Variants in LRP1B observed in about 807,000 individuals in gnomAD.
LRP1B encodes the protein LDL receptor related protein 1B, also known as low-density lipoprotein receptor-related protein 1B.
A neutral mutation model predicts 556.6 loss-of-function variants in LRP1B; 217 were observed. The observed-to-expected ratio is 0.39, with a 90% CI of 0.35 to 0.44. The LOEUF (loss-of-function observed/expected upper bound fraction) is 0.44. Among genes scored for constraint, LRP1B ranks in the 20% least tolerant of loss-of-function variants. The pLI is 1.00. For missense variants in LRP1B, 5,053 were observed against 5,620.8 expected, an observed-to-expected ratio of 0.90 and a Z score of 3.23; for synonymous variants, 2,047 against 1,865.8, an observed-to-expected ratio of 1.10 and a Z score of -2.50.
intron 1 of LRP1B, among the ~76,000 whole-genome samples, chr2:142,117,726 C>T (rs1390109183): frequency 6.6e-6 from 1 of 152,074 alleles, no homozygotes; most frequent in Non-Finnish European, 1.5e-5. Flanking sequence ...AATTCAGATT[C>T]CCAGCCAGTC....
rs1291899963 is a variant in LRP1B, at chr2:140,288,001, C to T, written c.12967+9807G>A. ...GCATCTATAAAAATGAAATTAAATG[C>T]ACTATTTCATATATTGTTTTCTATT... On this transcript the variant is annotated intron_variant, in intron 84 of 90. Coordinates refer to ENST00000389484, the MANE Select transcript of LRP1B (RefSeq NM_018557.3). Among the ~76,000 whole-genome samples the T allele has an allele frequency of 2.6e-5, 4 of 151,732 alleles. No homozygotes were observed. The South Asian group carries it at 6.2e-4, about 24-fold the overall frequency.
At chr2:140,324,901 G>T (rs1305848741) in intron 80 of LRP1B, among the ~76,000 whole-genome samples, 3 of 130,978 alleles carry the variant, frequency 2.3e-5, no homozygotes, top group African/African-American at 2.9e-5. Context: ...TGAGGCCATT[G>T]ATTAAAAAAA....
rs186511638 is a variant in LRP1B, at chr2:140,727,535, T to C, written c.5759-10719A>G. On this transcript the variant is annotated intron_variant, in intron 35 of 90. Coordinates refer to ENST00000389484, the MANE Select transcript of LRP1B (RefSeq NM_018557.3). ...TTACTTCATGGAGGAAGTGAAGCTTTTCCTAATACTTGAAGACTGGGTAGC... is the reference window on the plus strand; with the variant it reads ...TTACTTCATGGAGGAAGTGAAGCTTCTCCTAATACTTGAAGACTGGGTAGC... Among the ~76,000 whole-genome samples, 570 of 152,306 alleles carry C rather than the reference T, an allele frequency of 3.7e-3. 2 individuals are homozygous for C. The highest frequency in any genetic ancestry group is 0.013 in the African/African-American group (535 of 41,574).
intron 87 of LRP1B, 107 bp downstream of exon 87, chr2:140,246,979 T>C (rs1681192169): frequency 1.7e-5 from 13 of 760,336 alleles, no homozygotes; most frequent in Non-Finnish European, 2.7e-5. Context: ...GGATCTCTTA[T>C]AAAATTCCAT....
intron 1 of LRP1B, among the ~76,000 whole-genome samples, chr2:141,988,844 T>C (rs1702269744): frequency 6.6e-6 from 1 of 152,040 alleles, no homozygotes; most frequent in African/African-American, 2.4e-5. Flanking sequence ...GAGACTCTCA[T>C]TTCCCACTTT....
Position 141,582,827 on chromosome 2 carries a change from C to CTTTT in LRP1B, c.206-102298_206-102295dup, listed in dbSNP as rs869158175. Among the ~76,000 whole-genome samples the CTTTT allele has an allele frequency of 1.7e-4, 12 of 71,750 alleles. 1 individual carries two copies. Among genetic ancestry groups the CTTTT allele is most frequent in the Admixed American group, 2.4e-4 (1 of 4,130 alleles). 47.1% of individuals were successfully genotyped at this position (71,750 alleles called of 152,430 possible). On this transcript the variant is annotated intron_variant, in intron 2 of 90. Coordinates refer to ENST00000389484, the MANE Select transcript of LRP1B (RefSeq NM_018557.3). ...GAAATCTTGATAATAACCTATTAAACTTTTTTTTTTTTTTTTTTTTTTTTT... is the reference window on the plus strand; with the variant it reads ...GAAATCTTGATAATAACCTATTAAACTTTTTTTTTTTTTTTTTTTTTTTTTTTTT...
chr2:140,272,081 T>C (rs1179142130), intron 85 of LRP1B, among the ~76,000 whole-genome samples: 1 of 151,960 alleles, frequency 6.6e-6, no homozygotes, highest in East Asian at 1.9e-4. Context: ...TGTTGCCTCT[T>C]TTTCCCTCTA....
chr2:140,646,126 AG>A (rs1358558398), intron 41 of LRP1B, among the ~76,000 whole-genome samples: 4 of 152,142 alleles, frequency 2.6e-5, no homozygotes, highest in Non-Finnish European at 4.4e-5. Flanking sequence ...ACATGCCAAC[AG>A]AGAAATCAAC....
intron 2 of LRP1B, among the ~76,000 whole-genome samples, chr2:141,720,087 A>C (rs1294652892): frequency 6.6e-6 from 1 of 152,198 alleles, no homozygotes; most frequent in African/African-American, 2.4e-5. Flanking sequence ...AACAAAATTT[A>C]CATTTTTCTC....
intron 62 of LRP1B, among the ~76,000 whole-genome samples, chr2:140,451,265 A>G (rs1686874873): frequency 6.6e-6 from 1 of 152,182 alleles, no homozygotes; most frequent in Non-Finnish European, 1.5e-5. Flanking sequence ...CTTGTACACT[A>G]CAGCAGCAGA....
chr2:141,013,122 A>G (rs1697802708), intron 14 of LRP1B, among the ~76,000 whole-genome samples: 2 of 151,996 alleles, frequency 1.3e-5, no homozygotes, highest in South Asian at 4.1e-4. Context: ...GAAACTAATT[A>G]TAAACTTACT....
At chr2:142,115,011 T>G (rs1267856035) in intron 1 of LRP1B, among the ~76,000 whole-genome samples, 1 of 152,078 alleles carries the variant, frequency 6.6e-6, no homozygotes, top group South Asian at 2.1e-4. Context: ...TCCATAAATA[T>G]GTACAGCTTC....
intron 2 of LRP1B, among the ~76,000 whole-genome samples, chr2:141,755,339 C>T (rs1031132961): frequency 1.5e-4 from 23 of 151,918 alleles, no homozygotes; most frequent in African/African-American, 4.6e-4. Context: ...AATTTACATA[C>T]CCCAATTGAA....
At chr2:140,508,830 T>C (rs1558931104) in intron 52 of LRP1B, among the ~76,000 whole-genome samples, 1 of 152,226 alleles carries the variant, frequency 6.6e-6, no homozygotes, top group East Asian at 1.9e-4. Flanking sequence ...CCCAGAGTGT[T>C]AACTTGCTAC....
chr2:141,982,619 ATATTGAAGT>A (rs1375686562), intron 1 of LRP1B, among the ~76,000 whole-genome samples: 2 of 152,224 alleles, frequency 1.3e-5, no homozygotes, highest in Non-Finnish European at 2.9e-5. Context: ...TCAGTGGGAA[ATATTGAAGT>A]ATTATGTATT....
intron 1 of LRP1B, among the ~76,000 whole-genome samples, chr2:142,020,966 C>G (rs1414906493): frequency 2.0e-5 from 3 of 152,164 alleles, no homozygotes; most frequent in Non-Finnish European, 2.9e-5. Flanking sequence ...AGATCTACTT[C>G]CATGAATGAC....
intron 85 of LRP1B, among the ~76,000 whole-genome samples, chr2:140,272,373 CAA>C (rs1682503453): frequency 6.6e-6 from 1 of 151,584 alleles, no homozygotes; most frequent in South Asian, 2.1e-4. Flanking sequence ...CAATGGTCAT[CAA>C]AAAGACATAA....
intron 27 of LRP1B, among the ~76,000 whole-genome samples, chr2:140,860,297 A>T (rs2105139321): frequency 6.6e-6 from 1 of 152,244 alleles, no homozygotes; most frequent in Non-Finnish European, 1.5e-5. Flanking sequence ...ATTTGATCTA[A>T]TTATTGTTGT....
At chr2:141,489,587 A>G (rs1256941905) in intron 2 of LRP1B, among the ~76,000 whole-genome samples, 1 of 151,982 alleles carries the variant, frequency 6.6e-6, no homozygotes, top group Admixed American at 6.6e-5. Flanking sequence ...ATTATTAAAC[A>G]TAATATCGAA....
Sources: gnomAD v4.1 joint callset for allele counts (sites outside exome capture counted in the v4.1 genomes callset) on GRCh38, gnomAD v4.1.1 for gene constraint, MANE v1.5 for transcripts, NCBI Gene and HGNC (gene_info 2026-07-23, HGNC 2026-07-21) for gene names.